Variants in PPP3CA observed in about 807,000 individuals in gnomAD.
PPP3CA encodes CAM-PRP catalytic subunit.
PPP3CA carries 14 observed loss-of-function variants against 66.5 expected under a neutral mutation model. That is an observed-to-expected ratio of 0.21 (90% CI 0.14 to 0.33). The LOEUF (loss-of-function observed/expected upper bound fraction) is 0.33, where lower values mean the gene tolerates loss of function less well. PPP3CA is among the 10% of genes least tolerant of loss of function. The probability of loss-of-function intolerance (pLI) is 1.00; values close to 1 mark genes in which losing one functional copy is unlikely to be tolerated. For synonymous variants in PPP3CA, 232 were observed against 226.2 expected (o/e 1.03, Z -0.23); for missense variants, 317 against 639.5 (o/e 0.50, Z 5.44).
At chr4:101,305,890 A>T (rs1362136266) in intron 1 of PPP3CA, among the ~76,000 whole-genome samples, 1 of 152,186 alleles carries the variant, frequency 6.6e-6, no homozygotes, top group Non-Finnish European at 1.5e-5. Flanking sequence ...ACCAAAATAT[A>T]ATCTACTCAC....
At chr4:101,276,875 T>C (rs1477487620) in intron 1 of PPP3CA, among the ~76,000 whole-genome samples, 1 of 151,986 alleles carries the variant, frequency 6.6e-6, no homozygotes. Context: ...CGTTGATACG[T>C]TATTATTAAC....
intron 1 of PPP3CA, among the ~76,000 whole-genome samples, chr4:101,224,348 C>A (rs941269621): frequency 7.3e-5 from 11 of 151,656 alleles, no homozygotes; most frequent in African/African-American, 2.7e-4. Context: ...TTCTGTTGTA[C>A]CCCTACTCCT....
At chr4:101,120,285 G>T (rs536392061) in intron 2 of PPP3CA, among the ~76,000 whole-genome samples, 1 of 151,992 alleles carries the variant, frequency 6.6e-6, no homozygotes, top group African/African-American at 2.4e-5. Context: ...ACTGGTTGAC[G>T]TTTCACTTGT....
chr4:101,308,653 T>C (rs1465569259), intron 1 of PPP3CA, among the ~76,000 whole-genome samples: 1 of 152,116 alleles, frequency 6.6e-6, no homozygotes, highest in African/African-American at 2.4e-5. Flanking sequence ...GCTATGTTTC[T>C]AACTCCTGGC....
At chr4:101,313,752 T>C (rs186384073) in intron 1 of PPP3CA, among the ~76,000 whole-genome samples, 13 of 152,354 alleles carry the variant, frequency 8.5e-5, no homozygotes, top group African/African-American at 2.6e-4. Context: ...TGATTTATTA[T>C]AAGCAAATGG....
chr4:101,171,308 C>A, intron 2 of PPP3CA: 6 of 408,730 alleles, frequency 1.5e-5, no homozygotes, highest in Non-Finnish European at 1.9e-5. Context: ...TTTAAAGCTC[C>A]ATAGTTGGTT....
intron 1 of PPP3CA, among the ~76,000 whole-genome samples, chr4:101,331,562 A>G (rs1430730247): frequency 6.6e-6 from 1 of 152,234 alleles, no homozygotes; most frequent in Non-Finnish European, 1.5e-5. Context: ...GACAAGTAGC[A>G]GCACAGACAG....
At chr4:101,126,310 T>C (rs1722245067) in intron 2 of PPP3CA, among the ~76,000 whole-genome samples, 1 of 152,288 alleles carries the variant, frequency 6.6e-6, no homozygotes, top group East Asian at 1.9e-4. Flanking sequence ...CATGGAAAAC[T>C]GGAAATGAAA....
chr4:101,029,476 C>T (rs953619353), intron 12 of PPP3CA, among the ~76,000 whole-genome samples: 3 of 151,718 alleles, frequency 2.0e-5, no homozygotes, highest in Admixed American at 6.6e-5. Flanking sequence ...ACAAACAACC[C>T]TTTAGGAAAA....
intron 8 of PPP3CA, among the ~76,000 whole-genome samples, chr4:101,072,426 T>C (rs1419526866): frequency 6.6e-6 from 1 of 152,166 alleles, no homozygotes; most frequent in African/African-American, 2.4e-5. Flanking sequence ...GTCAGTCAGC[T>C]GAGTTTCAAT....
chr4:101,161,371 A>G (rs925504089), intron 2 of PPP3CA, among the ~76,000 whole-genome samples: 2 of 152,150 alleles, frequency 1.3e-5, no homozygotes, highest in African/African-American at 4.8e-5. Flanking sequence ...AATGAATTCA[A>G]TCACTCATGA....
chr4:101,139,699 T>G (rs926124357), intron 2 of PPP3CA, among the ~76,000 whole-genome samples: 2 of 135,478 alleles, frequency 1.5e-5, no homozygotes, highest in Non-Finnish European at 3.4e-5. Context: ...TTTTTGTGTT[T>G]TTTTTTTTTT....
At chr4:101,250,753 T>C (rs1324169732) in intron 1 of PPP3CA, among the ~76,000 whole-genome samples, 1 of 152,136 alleles carries the variant, frequency 6.6e-6, no homozygotes, top group Non-Finnish European at 1.5e-5. Flanking sequence ...TTTTCTTCCC[T>C]GAGGTTAAAT....
At chr4:101,306,332 CTCTG>C (rs1442664993) in intron 1 of PPP3CA, among the ~76,000 whole-genome samples, 1 of 152,132 alleles carries the variant, frequency 6.6e-6, no homozygotes, top group East Asian at 1.9e-4. Flanking sequence ...TGAATCAGCA[CTCTG>C]TCTGGAACAC....
chr4:101,141,115 C>T (rs1722793701), intron 2 of PPP3CA, among the ~76,000 whole-genome samples: 1 of 152,030 alleles, frequency 6.6e-6, no homozygotes, highest in Admixed American at 6.6e-5. Context: ...CACATGGTGG[C>T]TCCCAGTACC....
intron 7 of PPP3CA, among the ~76,000 whole-genome samples, chr4:101,081,802 C>T (rs916455564): frequency 6.6e-6 from 1 of 152,104 alleles, no homozygotes; most frequent in African/African-American, 2.4e-5. Context: ...TTGAAATGTT[C>T]TAAAAGTATG....
intron 1 of PPP3CA, among the ~76,000 whole-genome samples, chr4:101,346,088 G>A (rs1729978347): frequency 6.6e-6 from 1 of 151,552 alleles, no homozygotes; most frequent in Admixed American, 6.6e-5. Flanking sequence ...CCACCCTCCA[G>A]CCAGCGACCG....
At chr4:101,319,945 C>T (rs1372726982) in intron 1 of PPP3CA, among the ~76,000 whole-genome samples, 1 of 151,978 alleles carries the variant, frequency 6.6e-6, no homozygotes, top group East Asian at 1.9e-4. Context: ...AAGATAGCAC[C>T]AGCTTTCTAG....
chr4:101,224,622 A>C (rs1436934954), intron 1 of PPP3CA, among the ~76,000 whole-genome samples: 2 of 151,808 alleles, frequency 1.3e-5, no homozygotes, highest in South Asian at 4.1e-4. Context: ...AATCACCTGA[A>C]GCTGGACTTT....
Sources: gnomAD v4.1 joint callset for allele counts (sites outside exome capture counted in the v4.1 genomes callset) on GRCh38, gnomAD v4.1.1 for gene constraint, MANE v1.5 for transcripts, NCBI Gene and HGNC (gene_info 2026-07-23, HGNC 2026-07-21) for gene names.